ZNF569: variants seen among roughly 807,000 people sequenced by gnomAD.
ZNF569 encodes DNA-binding protein.
ZNF569 carries 38 observed loss-of-function variants against 56.3 expected under a neutral mutation model. The observed-to-expected ratio is 0.68, with a 90% CI of 0.52 to 0.88. The LOEUF is 0.88. Among genes scored for constraint, ZNF569 ranks in the 40% least tolerant of loss-of-function variants. ZNF569 has a pLI of 0.00. For synonymous variants in ZNF569, 241 were observed against 262.9 expected (o/e 0.92, Z 0.81); for missense variants, 666 against 809.2 (o/e 0.82, Z 2.15).
intron 2 of ZNF569, among the ~76,000 whole-genome samples, chr19:37,458,959 T>C (rs1843345423): frequency 6.6e-6 from 1 of 151,516 alleles, no homozygotes; most frequent in Admixed American, 6.6e-5. Context: ...AATAGAAACT[T>C]CAAAAGAAAC....
chr19:37,452,327 T>A (rs2041607788), intron 2 of ZNF569, among the ~76,000 whole-genome samples: 2 of 152,242 alleles, frequency 1.3e-5, no homozygotes, highest in South Asian at 4.1e-4. Flanking sequence ...AATTAAAAGT[T>A]ATTTACCCAC....
upstream of ZNF569, chr19:37,469,200 G>A (rs1273669656): frequency 2.4e-6 from 3 of 1,274,252 alleles, no homozygotes; most frequent in Non-Finnish European, 2.0e-6. Flanking sequence ...TGGTGGGGAG[G>A]AGGCCGTGTT....
intron 5 of ZNF569, 103 bp downstream of exon 5, chr19:37,425,765 C>G: frequency 2.0e-6 from 2 of 1,020,940 alleles, no homozygotes; most frequent in Non-Finnish European, 3.0e-6. Context: ...GTGCCAACCT[C>G]TGAAAATATC....
intron 3 of ZNF569, among the ~76,000 whole-genome samples, chr19:37,439,618 C>T (rs2041370724): frequency 6.6e-6 from 1 of 152,190 alleles, no homozygotes; most frequent in South Asian, 2.1e-4. Context: ...TTTATTGCTT[C>T]CTTGTTTATT....
In ZNF569 at chr19:37,412,955, T is replaced by C; in HGVS notation, c.1703A>G (p.His568Arg). ...CTTCTCACCTGTGTGACTTCTCATA[T>C]GTAAATTAAGCAGTGAGCACTGAGA... ...AFSQCSLLNLHMRSHTGEKPY... is the reference protein window; with the variant it reads ...AFSQCSLLNLRMRSHTGEKPY... Residue 568 changes from histidine to arginine, a missense_variant, in exon 6 of 6, where the codon CAT becomes CGT. Transcript: ENST00000316950. The C allele has an allele frequency of 6.2e-7, 1 of 1,613,786 alleles. No homozygotes were observed. The highest frequency in any genetic ancestry group is 8.5e-7 in the Non-Finnish European group (1 of 1,179,874).
upstream of ZNF569, chr19:37,468,177 C>CGAG (rs2041883471): frequency 7.3e-6 from 4 of 546,720 alleles, no homozygotes; most frequent in Admixed American, 3.4e-5. Flanking sequence ...GCCTCGAACT[C>CGAG]CCGGGCTCAA....
intron 5 of ZNF569, among the ~76,000 whole-genome samples, chr19:37,419,969 C>CTTTTTTTTTTTTTTTTTTTTTTT (rs60568702): frequency 9.9e-6 from 1 of 100,628 alleles, no homozygotes; most frequent in Non-Finnish European, 1.9e-5. Flanking sequence ...TCTTTTCTTT[C>CTTTTTTTTTTTTTTTTTTTTTTT]TTTTTTTTTT....
chr19:37,430,759 A>C (rs2041212793), intron 3 of ZNF569, among the ~76,000 whole-genome samples: 1 of 152,212 alleles, frequency 6.6e-6, no homozygotes, highest in South Asian at 2.1e-4. Context: ...CACATCACTG[A>C]AAGAGGCACT....
At chr19:37,441,641 G>A (rs552815058) in intron 3 of ZNF569, among the ~76,000 whole-genome samples, 1 of 151,646 alleles carries the variant, frequency 6.6e-6, no homozygotes, top group East Asian at 1.9e-4. Context: ...GGGTGACAGA[G>A]TAAGACCCTG....
chr19:37,466,553 G>A (rs1170943802), intron 1 of ZNF569, among the ~76,000 whole-genome samples: 1 of 152,170 alleles, frequency 6.6e-6, no homozygotes, highest in Non-Finnish European at 1.5e-5. Flanking sequence ...CTTCTTCCCA[G>A]GAGGCGGAGG....
Position 37,450,358 on chromosome 19 carries a change from T to C in ZNF569, c.-43-5394A>G, listed in dbSNP as rs1278255655. On this transcript the variant is annotated intron_variant, in intron 2 of 5. Coordinates refer to ENST00000316950, the MANE Select transcript of ZNF569 (RefSeq NM_152484.3). ...AGGTCTGTTCAGACATTTTATAATA[T>C]TTCTTCATGATCTAATCTTGGTAGT... Among the ~76,000 whole-genome samples, 3 of 152,246 alleles carry C rather than the reference T, an allele frequency of 2.0e-5. No individual in the cohort carries two copies. The East Asian group carries it at 5.8e-4, about 29-fold the overall frequency.
intron 2 of ZNF569, among the ~76,000 whole-genome samples, chr19:37,451,812 A>G (rs573842954): frequency 1.3e-5 from 2 of 152,252 alleles, no homozygotes; most frequent in South Asian, 2.1e-4. Flanking sequence ...CCTTCAGCCT[A>G]TGTGTGCCGT....
intron 3 of ZNF569, among the ~76,000 whole-genome samples, chr19:37,430,857 T>A (rs1356008733): frequency 1.3e-5 from 2 of 152,200 alleles, no homozygotes; most frequent in Non-Finnish European, 2.9e-5. Context: ...GCCATATGGT[T>A]CTGAGAGAGA....
upstream of ZNF569, chr19:37,468,059 T>C (rs1422961625): frequency 2.5e-6 from 2 of 790,258 alleles, no homozygotes; most frequent in South Asian, 1.6e-5. Flanking sequence ...TTAACTTCTC[T>C]ATGCCTTTCG....
At chr19:37,415,432 C>G (rs538299157) in intron 5 of ZNF569, among the ~76,000 whole-genome samples, 96 of 152,128 alleles carry the variant, frequency 6.3e-4, no homozygotes, top group Non-Finnish European at 1.2e-3. Context: ...GAATAAAGTA[C>G]AGTACAGCCC....
chr19:37,425,916 C>A lies in ZNF569; in HGVS notation c.190G>T (p.Glu64Ter). 5 of 1,614,066 alleles carry A rather than the reference C, an allele frequency of 3.1e-6. No individual in the cohort carries two copies. The highest frequency in any genetic ancestry group is 4.2e-6 in the Non-Finnish European group (5 of 1,179,972). ...TCTTCCTCCATCACCCATGGTTCTT[C>A]TTCTTGCTCCAATTTGAAAATCACA... ...PDVIFKLEQEEEPWVMEEEVL... is the reference protein window; with the variant it reads ...PDVIFKLEQE Residue 64 changes from glutamate to a stop codon, truncating the protein, a stop_gained, in exon 5 of 6, where the codon GAA becomes TAA. Coordinates refer to ENST00000316950, the MANE Select transcript of ZNF569 (RefSeq NM_152484.3). LOFTEE classifies it high-confidence loss of function.
At chr19:37,429,188 G>A (rs2041185363) in intron 3 of ZNF569, among the ~76,000 whole-genome samples, 1 of 152,242 alleles carries the variant, frequency 6.6e-6, no homozygotes, top group African/African-American at 2.4e-5. Flanking sequence ...GTTCTGGACA[G>A]TGAGATGAAA....
chr19:37,429,625 C>T (rs1209293598), intron 3 of ZNF569, among the ~76,000 whole-genome samples: 1 of 152,196 alleles, frequency 6.6e-6, no homozygotes, highest in Non-Finnish European at 1.5e-5. Context: ...CAAACAGCCT[C>T]CAGCTGCTCC....
At chr19:37,468,260 T>C (rs1204021106), upstream of ZNF569, among the ~76,000 whole-genome samples, 2 of 151,556 alleles carry the variant, frequency 1.3e-5, no homozygotes, top group African/African-American at 4.8e-5. Flanking sequence ...TGATTTTTGT[T>C]TGTTTGTTAG....
Sources: allele counts gnomAD v4.1 joint callset (sites outside exome capture counted in the v4.1 genomes callset), GRCh38; gene constraint gnomAD v4.1.1; transcripts MANE v1.5; gene names NCBI Gene and HGNC (gene_info 2026-07-23, HGNC 2026-07-21).